Variants in LRP6 observed in about 807,000 individuals in gnomAD.
The protein encoded by LRP6 is low-density lipoprotein receptor-related protein 6.
A neutral mutation model predicts 184.1 loss-of-function variants in LRP6; 43 were observed. The observed-to-expected ratio is 0.23, with a 90% CI of 0.18 to 0.30. The LOEUF is 0.30. Ranked by LOEUF, LRP6 falls within the 10% of genes least tolerant of loss-of-function variation. The pLI is 1.00. For missense variants in LRP6, 1,571 were observed against 2,005.3 expected (o/e 0.78, Z 4.14); for synonymous variants, 719 against 684.9 (o/e 1.05, Z -0.78).
At chr12:12,233,376 G>A (rs140253187) in intron 2 of LRP6, among the ~76,000 whole-genome samples, 4,383 of 152,252 alleles carry the variant, frequency 0.029, 91 homozygotes, top group Non-Finnish European at 0.04. Flanking sequence ...GCTGAGACAG[G>A]AGAATGGCGT....
chr12:12,188,012 C>G (rs7979447), intron 3 of LRP6, among the ~76,000 whole-genome samples: 61,295 of 151,540 alleles, frequency 0.4, 15,040 homozygotes, highest in East Asian at 0.76. Context: ...GAGTTCAAGA[C>G]CAGCCTGGCC....
rs1865785208 is a variant in LRP6 at position 12,266,907 on chromosome 12, C to G, written c.-172G>C. 2.3e-5 allele frequency: 15 copies of G among 658,862 alleles called. No homozygotes were observed. In the South Asian group the frequency reaches 2.6e-4, roughly 11 times the overall value. The allele number at this position is 658,862 out of a possible 1,614,324, so 40.8% of individuals were successfully genotyped here. A position where few individuals can be genotyped will look rare whatever the true frequency, so the allele number is the denominator to read the frequency against. ...AGGTTCCGCGCGCGCCGCCGCCGCC[C>G]TCTCTACCGCGCCGCTCGGCCCCGG... On this transcript the variant is annotated 5_prime_UTR_variant, in exon 1 of 23. Coordinates refer to ENST00000261349, the MANE Select transcript of LRP6 (RefSeq NM_002336.3).
intron 7 of LRP6, among the ~76,000 whole-genome samples, chr12:12,178,929 G>A (rs541962779): frequency 6.6e-6 from 1 of 152,186 alleles, no homozygotes; most frequent in South Asian, 2.1e-4. Context: ...CAAAACAACT[G>A]TTCTAGAGTC....
intron 4 of LRP6, among the ~76,000 whole-genome samples, chr12:12,185,289 AAAAC>A (rs1206495277): frequency 6.6e-6 from 1 of 152,204 alleles, no homozygotes; most frequent in African/African-American, 2.4e-5. Context: ...TCTATCTCAA[AAAAC>A]AAACAAAAAA....
At chr12:12,199,144 G>A (rs1189170778) in intron 3 of LRP6, among the ~76,000 whole-genome samples, 4 of 151,542 alleles carry the variant, frequency 2.6e-5, no homozygotes, top group Admixed American at 6.6e-5. Context: ...AAAAAAAAAA[G>A]GAGCACAAAT....
In LRP6 at chr12:12,222,318, C is replaced by A. The variant is rs578033218; in HGVS notation, c.450-18918G>T. The stretch of plus-strand genomic sequence containing the variant: ...CAGTGGCTCACACCTGTAATCCCAG[C>A]ACTTTGGGAGGTCGAGGCGGGCGGA... On this transcript the variant is annotated intron_variant, in intron 2 of 22. Coordinates refer to ENST00000261349, the MANE Select transcript of LRP6 (RefSeq NM_002336.3). Among the ~76,000 whole-genome samples, 101 of 152,112 alleles carry A rather than the reference C, an allele frequency of 6.6e-4. No individual in the cohort carries two copies. In the Middle Eastern group the frequency reaches 0.017, roughly 26 times the overall value.
intron 7 of LRP6, among the ~76,000 whole-genome samples, chr12:12,170,832 C>CACA (rs1491110353): frequency 1.6e-4 from 19 of 122,506 alleles, no homozygotes; most frequent in African/African-American, 5.1e-4. Flanking sequence ...CACACACACA[C>CACA]GTCTTAGATG....
At chr12:12,155,491 C>CA in intron 12 of LRP6, 1 of 860,582 alleles carries the variant, frequency 1.2e-6, no homozygotes, top group East Asian at 2.4e-5. Flanking sequence ...TTGTTGTAAA[C>CA]AAAAAAGTTA....
Position 12,209,081 on chromosome 12 carries a change from G to A in LRP6, c.450-5681C>T, listed in dbSNP as rs138647381. Among the ~76,000 whole-genome samples the A allele has an allele frequency of 1.4e-3, 207 of 152,266 alleles. 1 individual carries two copies. Among genetic ancestry groups the A allele is most frequent in the African/African-American group, 1.9e-3 (81 of 41,548 alleles). ...TATCTACTAATCTATACTCTGCGCC[G>A]TGTGTGCAACATGCATTACTTGAGA... On this transcript the variant is annotated intron_variant, in intron 2 of 22. Coordinates refer to ENST00000261349, the MANE Select transcript of LRP6 (RefSeq NM_002336.3).
At chr12:12,225,850 C>T (rs971343410) in intron 2 of LRP6, among the ~76,000 whole-genome samples, 13 of 148,578 alleles carry the variant, frequency 8.7e-5, no homozygotes, top group East Asian at 1.9e-4. Context: ...CTAACCTAGG[C>T]GACAGAGAAA....
chr12:12,184,246 T>A, intron 4 of LRP6, 135 bp from the exon 5 acceptor site: 1 of 717,804 alleles, frequency 1.4e-6, no homozygotes, highest in Non-Finnish European at 2.5e-6. Context: ...TCAAACCATC[T>A]GCAAAGACAG....
At chr12:12,257,656 T>C (rs1398740186) in intron 1 of LRP6, among the ~76,000 whole-genome samples, 13 of 146,950 alleles carry the variant, frequency 8.8e-5, no homozygotes, top group Non-Finnish European at 3.0e-5. Context: ...AAAAAAGTAC[T>C]TGAGGCCAGG....
intron 2 of LRP6, among the ~76,000 whole-genome samples, chr12:12,221,301 C>G (rs529484735): frequency 1.3e-5 from 2 of 152,306 alleles, no homozygotes. Context: ...GTTTGGTTCA[C>G]CCATGCCTTC....
chr12:12,140,748 C>T (rs1949920911), intron 15 of LRP6, among the ~76,000 whole-genome samples: 1 of 152,048 alleles, frequency 6.6e-6, no homozygotes, highest in African/African-American at 2.4e-5. Context: ...GGATTACTCG[C>T]ACCCGTCACC....
At chr12:12,251,665 G>A (rs1164066569) in intron 1 of LRP6, among the ~76,000 whole-genome samples, 2 of 152,014 alleles carry the variant, frequency 1.3e-5, no homozygotes, top group South Asian at 2.1e-4. Context: ...ACGGTGCCCC[G>A]CCCATTAGTC....
Position 12,149,047 on chromosome 12 carries a change from G to A in LRP6, c.3101C>T (p.Ala1034Val), listed in dbSNP as rs751013611. The A allele has an allele frequency of 3.7e-6, 6 of 1,613,932 alleles. No individual in the cohort carries two copies. In the Admixed American group the frequency reaches 5.0e-5, roughly 13 times the overall value. The change falls in exon 14 of 23, where the codon GCT becomes GTT. Residue 1034 changes from alanine to valine, a missense_variant. Ala to Val is a moderately conservative substitution (Grantham distance 64). Around this residue, in one of 4 missense-constraint regions of LRP6, gnomAD observed 763 missense variants for 859.5 expected, o/e 0.89. Coordinates refer to ENST00000261349, the MANE Select transcript of LRP6 (RefSeq NM_002336.3). Reference protein sequence around the residue: ...YSRYIYWTCEATNVINVTRLD... With the variant: ...YSRYIYWTCEVTNVINVTRLD... The stretch of plus-strand genomic sequence containing the variant: ...TCTTGTCACATTAATGACATTGGTA[G>A]CCTCACAAGTCCAGTAGATGTAGCG...
chr12:12,133,649 T>C (rs1361501184), intron 17 of LRP6, among the ~76,000 whole-genome samples: 1 of 151,998 alleles, frequency 6.6e-6, no homozygotes, highest in East Asian at 1.9e-4. Context: ...TCAAAACTCG[T>C]TTTAATACAT....
chr12:12,219,150 G>A (rs1864422279), intron 2 of LRP6, among the ~76,000 whole-genome samples: 1 of 152,046 alleles, frequency 6.6e-6, no homozygotes, highest in Non-Finnish European at 1.5e-5. Flanking sequence ...CAGATTACTT[G>A]TAGGGCCCAC....
At chr12:12,253,272 A>G (rs117948293) in intron 1 of LRP6, among the ~76,000 whole-genome samples, 3,441 of 152,274 alleles carry the variant, frequency 0.023, 57 homozygotes, top group Non-Finnish European at 0.034. Flanking sequence ...TCAAAAAATA[A>G]TAATAAAATA....
Sources: allele counts gnomAD v4.1 joint callset (sites outside exome capture counted in the v4.1 genomes callset), GRCh38; gene constraint gnomAD v4.1.1; regional missense constraint gnomAD v4.1.1; transcripts MANE v1.5; gene names NCBI Gene and HGNC (gene_info 2026-07-23, HGNC 2026-07-21).